The following C12orf42 variants were observed in gnomAD, a reference collection of about 807,000 sequenced individuals.
The protein encoded by C12orf42 is chromosome 12 open reading frame 42, also known as uncharacterized protein C12orf42.
C12orf42 carries 25 observed loss-of-function variants against 21.6 expected under a neutral mutation model. The observed-to-expected ratio is 1.16, with a 90% CI of 0.84 to 1.62. C12orf42 has a LOEUF of 1.62. C12orf42 is among the 40% of genes most tolerant of loss of function. The probability of loss-of-function intolerance (pLI) is 0.00; values close to 1 mark genes in which losing one functional copy is unlikely to be tolerated. For synonymous variants in C12orf42, 174 were observed against 175.0 expected, an observed-to-expected ratio of 0.99 and a Z score of 0.05; for missense variants, 483 against 459.3, an observed-to-expected ratio of 1.05 and a Z score of -0.47.
At chr12:103,430,442 T>C (rs1038395356) in intron 2 of C12orf42, among the ~76,000 whole-genome samples, 2 of 152,068 alleles carry the variant, frequency 1.3e-5, no homozygotes, top group African/African-American at 4.8e-5. Flanking sequence ...AGAATGGCGA[T>C]CATTAAAAAG....
At chr12:103,145,616 A>G in the C12orf42 span, among the ~76,000 whole-genome samples, 1 of 152,190 alleles carries the variant, frequency 6.6e-6, no homozygotes, top group Non-Finnish European at 1.5e-5. Flanking sequence ...TATTAACATC[A>G]TCTCTAGAAA....
At chr12:103,164,816 C>A in the C12orf42 span, 3 of 421,132 alleles carry the variant, frequency 7.1e-6, no homozygotes, top group Non-Finnish European at 4.8e-6. Context: ...GTAGGAGAGA[C>A]AAGATAAATT....
intron 4 of C12orf42, among the ~76,000 whole-genome samples, chr12:103,281,939 G>GAAAGAAA (rs1555243170): frequency 6.6e-6 from 1 of 151,280 alleles, no homozygotes; most frequent in Non-Finnish European, 1.5e-5. Flanking sequence ...AAGAAAGAAA[G>GAAAGAAA]AAAGAAAGAA....
the C12orf42 span, among the ~76,000 whole-genome samples, chr12:103,058,943 A>G: frequency 6.6e-6 from 1 of 152,176 alleles, no homozygotes; most frequent in South Asian, 2.1e-4. Flanking sequence ...GAGCAAACTC[A>G]AAAGCTAGCA....
At chr12:103,202,470 AGT>A in the C12orf42 span, among the ~76,000 whole-genome samples, 1 of 152,242 alleles carries the variant, frequency 6.6e-6, no homozygotes, top group Non-Finnish European at 1.5e-5. Flanking sequence ...GAAAGGAGTT[AGT>A]ATATCTCCAC....
At chr12:103,405,475 G>T (rs1210828272) in intron 2 of C12orf42, among the ~76,000 whole-genome samples, 1 of 152,178 alleles carries the variant, frequency 6.6e-6, no homozygotes, top group Admixed American at 6.5e-5. Flanking sequence ...AAAGGTCTGA[G>T]CAAAGGGATA....
At chr12:103,542,183 G>C in the C12orf42 span, among the ~76,000 whole-genome samples, 8 of 152,198 alleles carry the variant, frequency 5.3e-5, no homozygotes, top group Non-Finnish European at 8.8e-5. Context: ...GATGTTGAAA[G>C]AATAAGCTGG....
At chr12:103,179,294 A>C in the C12orf42 span, among the ~76,000 whole-genome samples, 2 of 152,240 alleles carry the variant, frequency 1.3e-5, no homozygotes, top group Admixed American at 6.5e-5. Context: ...TTTTAAAGTA[A>C]TGTCATGAAA....
At chr12:103,469,067 C>G (rs1953375583) in intron 2 of C12orf42, among the ~76,000 whole-genome samples, 1 of 152,194 alleles carries the variant, frequency 6.6e-6, no homozygotes, top group African/African-American at 2.4e-5. Context: ...TGGCTCACAC[C>G]TGACCTCCTG....
the C12orf42 span, among the ~76,000 whole-genome samples, chr12:103,520,919 C>T: frequency 6.6e-6 from 1 of 152,136 alleles, no homozygotes; most frequent in Non-Finnish European, 1.5e-5. Context: ...TGAAGCCTTC[C>T]CCCAAAACTC....
chr12:103,102,595 G>T, the C12orf42 span, among the ~76,000 whole-genome samples: 1 of 152,186 alleles, frequency 6.6e-6, no homozygotes, highest in Non-Finnish European at 1.5e-5. Context: ...AAAAACTATA[G>T]CTTCTCACTG....
the C12orf42 span, among the ~76,000 whole-genome samples, chr12:103,560,526 C>T: frequency 6.6e-5 from 10 of 152,194 alleles, no homozygotes; most frequent in Admixed American, 1.3e-4. Flanking sequence ...CTCCTTGAAA[C>T]CATAAGCAAA....
chr12:103,356,454 T>C (rs1012633381), intron 4 of C12orf42, among the ~76,000 whole-genome samples: 71 of 152,248 alleles, frequency 4.7e-4, no homozygotes, highest in Middle Eastern at 3.4e-3. Context: ...TTCCAAGTCT[T>C]TGCTATTGTG....
chr12:103,414,516 A>G (rs2374056), intron 2 of C12orf42, among the ~76,000 whole-genome samples: 96,946 of 151,978 alleles, frequency 0.64, 31,619 homozygotes, highest in Admixed American at 0.73. Context: ...GATTCTTTCA[A>G]TCTATGAGCA....
intron 4 of C12orf42, among the ~76,000 whole-genome samples, chr12:103,331,633 G>T (rs570922127): frequency 6.6e-6 from 1 of 152,152 alleles, no homozygotes; most frequent in South Asian, 2.1e-4. Context: ...CATGTAGAGG[G>T]TTGACAAGAA....
At chr12:103,433,395 TG>T (rs1462839028) in intron 2 of C12orf42, among the ~76,000 whole-genome samples, 1 of 152,246 alleles carries the variant, frequency 6.6e-6, no homozygotes, top group Non-Finnish European at 1.5e-5. Context: ...TGACACCATC[TG>T]AACTCATTGT....
At chr12:103,478,477 A>G in intron 1 of C12orf42, 30 bp from the exon 2 acceptor site, 1 of 1,152,780 alleles carries the variant, frequency 8.7e-7, no homozygotes, top group Non-Finnish European at 1.2e-6. Flanking sequence ...AAAGAAGAGC[A>G]GGTTTACAAT....
chr12:103,280,492 A>C (rs1164145337), intron 4 of C12orf42, among the ~76,000 whole-genome samples: 1 of 151,860 alleles, frequency 6.6e-6, no homozygotes, highest in Non-Finnish European at 1.5e-5. Flanking sequence ...GGTAGCATGC[A>C]CCTGTAATCT....
At chr12:103,470,807 C>T (rs1167443359) in intron 2 of C12orf42, among the ~76,000 whole-genome samples, 9 of 152,156 alleles carry the variant, frequency 5.9e-5, no homozygotes, top group Admixed American at 5.2e-4. Context: ...TGCTGATTTA[C>T]AGTTCCAGCT....
Sources: allele counts gnomAD v4.1 joint callset (sites outside exome capture counted in the v4.1 genomes callset), GRCh38; gene constraint gnomAD v4.1.1; transcripts MANE v1.5; gene names NCBI Gene and HGNC (gene_info 2026-07-23, HGNC 2026-07-21).